TOX2: variants seen among roughly 807,000 people sequenced by gnomAD.
TOX2 encodes TOX high mobility group box family member 2.
In TOX2, 15 loss-of-function variants were observed where a neutral mutation model predicts 47.4. That is an observed-to-expected ratio of 0.32 (90% CI 0.21 to 0.49). The LOEUF (loss-of-function observed/expected upper bound fraction) is 0.49. Among genes scored for constraint, TOX2 ranks in the 20% least tolerant of loss-of-function variants. The pLI, the probability that TOX2 is intolerant of heterozygous loss-of-function variation, is 0.99. For missense variants in TOX2, 622 were observed against 673.1 expected (o/e 0.92, Z 0.84); for synonymous variants, 290 against 296.6 (o/e 0.98, Z 0.23).
intron 7 of TOX2, 128 bp from the exon 8 acceptor site, chr20:44,066,602 C>A: frequency 7.1e-7 from 1 of 1,415,318 alleles, no homozygotes; most frequent in Non-Finnish European, 9.9e-7. Context: ...AGCAAGGCAG[C>A]AGCCCTGGAG....
chr20:43,940,593 G>A (rs2069390597), intron 1 of TOX2, among the ~76,000 whole-genome samples: 1 of 151,982 alleles, frequency 6.6e-6, no homozygotes, highest in Non-Finnish European at 1.5e-5. Context: ...GGTGAGCTAA[G>A]GGGCTGCTAT....
At chr20:44,047,852 TAAAAAAAAAAA>T (rs1198225728) in intron 3 of TOX2, among the ~76,000 whole-genome samples, 2 of 141,886 alleles carry the variant, frequency 1.4e-5, no homozygotes, top group Non-Finnish European at 3.1e-5. Context: ...AAAAAAAAAT[TAAAAAAAAAAA>T]AAAAAAAAAA....
In TOX2 at chr20:44,006,756, A is replaced by T; in HGVS notation, c.375A>T (p.Ala125=). ...CCATCATGGTGTCCAACATGCTAGCACAGGACAGCCACCTGCTGTCGGGCC... is the reference window on the plus strand; with the variant it reads ...CCATCATGGTGTCCAACATGCTAGCTCAGGACAGCCACCTGCTGTCGGGCC... The part of the protein sequence containing the change: ...LPAIMVSNML[A]QDSHLLSGQL... Residue 125 remains alanine (A), a synonymous_variant, in exon 3 of 9, where the codon GCA becomes GCT. Coordinates refer to ENST00000341197, the MANE Select transcript of TOX2 (RefSeq NM_001098797.2). 6.2e-7 allele frequency: 1 copy of T among 1,613,976 alleles called. No homozygotes were observed. Among genetic ancestry groups the T allele is most frequent in the Non-Finnish European group, 8.5e-7 (1 of 1,180,000 alleles).
At chr20:43,951,308 C>G (rs1317060950) in intron 1 of TOX2, among the ~76,000 whole-genome samples, 5 of 152,186 alleles carry the variant, frequency 3.3e-5, no homozygotes, top group African/African-American at 1.2e-4. Context: ...GGTGTGGTGG[C>G]TCACGCTTGT....
At chr20:44,017,426 G>A (rs556926663) in intron 3 of TOX2, among the ~76,000 whole-genome samples, 43 of 152,216 alleles carry the variant, frequency 2.8e-4, no homozygotes, top group African/African-American at 8.9e-4. Context: ...CTGTTATTTC[G>A]GCTTCACCAC....
chr20:44,011,392 A>G (rs997482223), intron 3 of TOX2, among the ~76,000 whole-genome samples: 4 of 152,156 alleles, frequency 2.6e-5, no homozygotes, highest in Non-Finnish European at 5.9e-5. Flanking sequence ...TGAAAAGCCT[A>G]TTTCTAAGAC....
intron 3 of TOX2, among the ~76,000 whole-genome samples, 153 bp downstream of exon 3, chr20:44,006,945 G>T (rs2070694926): frequency 6.6e-6 from 1 of 152,140 alleles, no homozygotes; most frequent in African/African-American, 2.4e-5. Context: ...ATCCCATGCT[G>T]GGATTACCTG....
intron 5 of TOX2, among the ~76,000 whole-genome samples, chr20:44,056,040 G>T (rs2071610221): frequency 6.6e-6 from 1 of 152,190 alleles, no homozygotes; most frequent in African/African-American, 2.4e-5. Flanking sequence ...TGTCCCAGGA[G>T]AATCCACCAT....
chr20:43,973,955 G>A (rs2070024845), intron 2 of TOX2, among the ~76,000 whole-genome samples: 1 of 152,196 alleles, frequency 6.6e-6, no homozygotes, highest in African/African-American at 2.4e-5. Context: ...TCCTGGGCAA[G>A]GCTGTCTCGA....
chr20:43,981,443 A>C (rs1030552832), intron 2 of TOX2, among the ~76,000 whole-genome samples: 1 of 152,200 alleles, frequency 6.6e-6, no homozygotes, highest in African/African-American at 2.4e-5. Flanking sequence ...AAGTGCTTGC[A>C]TTTGATTAAA....
chr20:43,966,459 G>T (rs1051062123), intron 1 of TOX2, among the ~76,000 whole-genome samples: 10 of 152,158 alleles, frequency 6.6e-5, no homozygotes, highest in Admixed American at 1.3e-4. Flanking sequence ...GGGACGATGT[G>T]TAAGAGTGGG....
At chr20:44,067,491 C>T (rs1280045285) in intron 8 of TOX2, among the ~76,000 whole-genome samples, 1 of 152,106 alleles carries the variant, frequency 6.6e-6, no homozygotes, top group Non-Finnish European at 1.5e-5. Context: ...GCTAAGAATG[C>T]AGGACAGGGG....
chr20:43,947,582 G>C (rs1396483530), intron 1 of TOX2, among the ~76,000 whole-genome samples: 3 of 152,216 alleles, frequency 2.0e-5, no homozygotes, highest in Non-Finnish European at 4.4e-5. Flanking sequence ...GGAGCTTGAA[G>C]GGAGGGCCAT....
chr20:43,968,929 A>T (rs1257241880), intron 1 of TOX2, among the ~76,000 whole-genome samples: 1 of 152,348 alleles, frequency 6.6e-6, no homozygotes, highest in South Asian at 2.1e-4. Context: ...CAAGGAACTG[A>T]TAAACTGTGA....
chr20:44,064,481 A>G (rs2071774668), intron 5 of TOX2, among the ~76,000 whole-genome samples: 1 of 152,234 alleles, frequency 6.6e-6, no homozygotes, highest in South Asian at 2.1e-4. Flanking sequence ...GGGGGCTTCA[A>G]AGGGCATTGT....
intron 2 of TOX2, among the ~76,000 whole-genome samples, chr20:44,001,475 TG>T: frequency 6.6e-6 from 1 of 152,270 alleles, no homozygotes. Flanking sequence ...TGTTCATGTT[TG>T]CGTGCTTAGT....
At chr20:44,024,267 C>A (rs965586329) in intron 3 of TOX2, among the ~76,000 whole-genome samples, 4 of 151,540 alleles carry the variant, frequency 2.6e-5, no homozygotes, top group Admixed American at 1.3e-4. Context: ...GTGGTTTCTC[C>A]CTCTCTTTTC....
rs978695210 is a variant in TOX2 at position 44,053,275 on chromosome 20, C to T, written c.652-1024C>T. On this transcript the variant is annotated intron_variant, in intron 4 of 8. Coordinates refer to ENST00000341197, the MANE Select transcript of TOX2 (RefSeq NM_001098797.2). ...GTGAAGCCACTGGTTCCAGGGCTGACGCAGTAACAGTCGCTTTAGCCTCGT... is the reference window on the plus strand; with the variant it reads ...GTGAAGCCACTGGTTCCAGGGCTGATGCAGTAACAGTCGCTTTAGCCTCGT... 2.0e-4 allele frequency among the ~76,000 whole-genome samples: 31 copies of T among 152,222 alleles called. No homozygotes were observed. In the East Asian group the frequency reaches 2.3e-3, roughly 11 times the overall value.
At chr20:44,008,652 ATC>A (rs977413071) in intron 3 of TOX2, among the ~76,000 whole-genome samples, 1 of 152,024 alleles carries the variant, frequency 6.6e-6, no homozygotes, top group Non-Finnish European at 1.5e-5. Flanking sequence ...CCACAGAAAA[ATC>A]TCCTTAAGGG....
Sources: gnomAD v4.1 joint callset for allele counts (sites outside exome capture counted in the v4.1 genomes callset) on GRCh38, gnomAD v4.1.1 for gene constraint, MANE v1.5 for transcripts, NCBI Gene and HGNC (gene_info 2026-07-23, HGNC 2026-07-21) for gene names.